The following PCDHGB1 variants were observed in gnomAD, a reference collection of about 807,000 sequenced individuals.
PCDHGB1 encodes protocadherin gamma subfamily B, 1.
Under a neutral mutation model 56.6 loss-of-function variants are expected in PCDHGB1, and 34 were observed. That is an observed-to-expected ratio of 0.60 (90% CI 0.46 to 0.80). The LOEUF is 0.80. Ranked by LOEUF, PCDHGB1 falls within the 30% of genes least tolerant of loss-of-function variation. PCDHGB1 has a pLI of 0.00. For missense variants in PCDHGB1, 1,278 were observed against 1,204.6 expected, an observed-to-expected ratio of 1.06 and a Z score of -0.90; for synonymous variants, 561 against 505.9, an observed-to-expected ratio of 1.11 and a Z score of -1.46.
intron 1 of PCDHGB1, among the ~76,000 whole-genome samples, chr5:141,401,296 C>G (rs2094138441): frequency 6.6e-6 from 1 of 152,104 alleles, no homozygotes; most frequent in African/African-American, 2.4e-5. Flanking sequence ...GAGCCGAGAT[C>G]ACTCCATTGC....
intron 1 of PCDHGB1, chr5:141,423,108 GC>G: frequency 1.2e-6 from 2 of 1,613,864 alleles, no homozygotes; most frequent in African/African-American, 2.7e-5. Flanking sequence ...CGGGCGAGGT[GC>G]GTACAGCGCG....
At position 141,413,736 on chromosome 5, in the gene PCDHGB1, G is replaced by A. The variant is rs189162146; in HGVS notation, c.2409+61067G>A. The A allele has an allele frequency of 1.9e-4, 309 of 1,613,452 alleles. No individual in the cohort carries two copies. In the African/African-American group the frequency reaches 3.0e-3, roughly 16 times the overall value. On this transcript the variant is annotated intron_variant, in intron 1 of 3. Coordinates refer to ENST00000523390, the MANE Select transcript of PCDHGB1 (RefSeq NM_018922.3). Reference sequence around the variant, plus strand: ...ATAAGCACTTCTCCCTAAGAGTTCAGAGCCGTGCCAATGGCGTCAAGTACC... The same window carrying A: ...ATAAGCACTTCTCCCTAAGAGTTCAAAGCCGTGCCAATGGCGTCAAGTACC...
intron 1 of PCDHGB1, chr5:141,419,170 C>G: frequency 6.2e-7 from 1 of 1,613,966 alleles, no homozygotes; most frequent in South Asian, 1.1e-5. Flanking sequence ...CCAGCAAAAC[C>G]ATAACCCTGC....
intron 1 of PCDHGB1, chr5:141,414,389 A>G: frequency 1.9e-6 from 3 of 1,613,926 alleles, no homozygotes; most frequent in African/African-American, 2.7e-5. Context: ...ATTGACAGTT[A>G]TTACAGATTG....
chr5:141,399,695 C>G, intron 1 of PCDHGB1: 1 of 1,613,480 alleles, frequency 6.2e-7, no homozygotes, highest in South Asian at 1.1e-5. Flanking sequence ...CAGCTGCGCA[C>G]CTTCGAACTC....
chr5:141,471,196 C>T (rs59385734), intron 1 of PCDHGB1: 16,293 of 151,632 alleles, frequency 0.11, 894 homozygotes, highest in South Asian at 0.15. Context: ...ATTACAGGCA[C>T]CCACCCCCAT....
intron 1 of PCDHGB1, among the ~76,000 whole-genome samples, chr5:141,484,645 T>C (rs948669787): frequency 1.3e-5 from 2 of 151,970 alleles, no homozygotes; most frequent in Admixed American, 6.6e-5. Context: ...CACTCTCCAA[T>C]GGCTACTCTC....
Position 141,374,612 on chromosome 5 carries a change from C to T in PCDHGB1, c.2409+21943C>T. The T allele has an allele frequency of 1.9e-6, 3 of 1,613,552 alleles. 1 individual carries two copies. The highest frequency in any genetic ancestry group is 1.1e-5 in the South Asian group (1 of 91,056). On this transcript the variant is annotated intron_variant, in intron 1 of 3. Transcript: ENST00000523390. ...GGGATTTAAGCTCAGTGGTAATAGT[C>T]ACTTCTCAGTGGACGTGCAAAGCGA...
At chr5:141,386,498 A>G (rs961063181) in intron 1 of PCDHGB1, among the ~76,000 whole-genome samples, 2 of 135,914 alleles carry the variant, frequency 1.5e-5, no homozygotes, top group African/African-American at 5.6e-5. Context: ...TAATATAACA[A>G]GACTCTGTCT....
chr5:141,500,139 CT>C (rs2099796692), intron 2 of PCDHGB1, among the ~76,000 whole-genome samples: 2 of 151,768 alleles, frequency 1.3e-5, no homozygotes, highest in East Asian at 3.9e-4. Context: ...TCTTTCTAAA[CT>C]TTTCTTTGTG....
intron 1 of PCDHGB1, among the ~76,000 whole-genome samples, chr5:141,458,065 GA>G (rs541812590): frequency 3.5e-3 from 534 of 152,242 alleles, no homozygotes; most frequent in Middle Eastern, 6.8e-3. Context: ...GCACTGATGC[GA>G]ACAACTATAT....
intron 1 of PCDHGB1, among the ~76,000 whole-genome samples, chr5:141,459,690 C>A (rs1338211972): frequency 6.6e-6 from 1 of 152,174 alleles, no homozygotes; most frequent in African/African-American, 2.4e-5. Context: ...ATAAAGCGTT[C>A]CGCTTGCTAC....
In PCDHGB1 at chr5:141,350,942, C is replaced by T. The variant is rs751150104; in HGVS notation, c.682C>T (p.Arg228Ter). The part of the protein sequence containing the change: ...PLSGTTHIWI[R>*]VTDANDNAPV... ...AAGCGGCACCACCCATATCTGGATC[C>T]GAGTTACGGATGCCAATGATAATGC... Residue 228 changes from arginine to a stop codon, truncating the protein, a stop_gained, in exon 1 of 4, where the codon CGA (arginine) becomes TGA (stop). Coordinates refer to ENST00000523390, the MANE Select transcript of PCDHGB1 (RefSeq NM_018922.3). LOFTEE classifies it high-confidence loss of function. 7 of 1,614,082 alleles carry T rather than the reference C, an allele frequency of 4.3e-6. No homozygotes were observed. The South Asian group carries it at 5.5e-5, about 13-fold the overall frequency.
At chr5:141,446,098 A>G (rs375135134) in intron 1 of PCDHGB1, among the ~76,000 whole-genome samples, 2 of 152,350 alleles carry the variant, frequency 1.3e-5, no homozygotes, top group African/African-American at 4.8e-5. Flanking sequence ...TGGATGAATT[A>G]TAGATATATT....
In PCDHGB1 at chr5:141,351,544, T is replaced by C. The variant is rs765303691; in HGVS notation, c.1284T>C (p.Leu428=). 5.3e-5 allele frequency: 86 copies of C among 1,613,842 alleles called. No homozygotes were observed. The highest frequency in any genetic ancestry group is 7.1e-5 in the Non-Finnish European group (84 of 1,179,894). The change falls in exon 1 of 4, where the codon CTT becomes CTC. Residue 428 remains leucine, a synonymous_variant. Coordinates refer to ENST00000523390, the MANE Select transcript of PCDHGB1 (RefSeq NM_018922.3). The part of the protein sequence containing the change: ...IIATDKGKPA[L]SSRTSITLHI... ...CCACCGACAAGGGCAAACCAGCCCT[T>C]TCCTCCAGGACAAGCATCACCCTGC...
chr5:141,455,660 G>A (rs1485792613), intron 1 of PCDHGB1, among the ~76,000 whole-genome samples: 1 of 152,134 alleles, frequency 6.6e-6, no homozygotes, highest in Non-Finnish European at 1.5e-5. Flanking sequence ...CCAGGAACTT[G>A]TGGGGCAAGG....
At chr5:141,458,438 CCCA>C (rs1221646653) in intron 1 of PCDHGB1, among the ~76,000 whole-genome samples, 3 of 152,024 alleles carry the variant, frequency 2.0e-5, no homozygotes, top group African/African-American at 7.2e-5. Context: ...GAGGAGGTCC[CCCA>C]CATTAACAAT....
At chr5:141,454,789 G>T (rs1368681394) in intron 1 of PCDHGB1, among the ~76,000 whole-genome samples, 1 of 129,576 alleles carries the variant, frequency 7.7e-6, no homozygotes, top group African/African-American at 3.1e-5. Flanking sequence ...AATCCTCCAT[G>T]GTTCTAATTT....
intron 1 of PCDHGB1, among the ~76,000 whole-genome samples, chr5:141,455,603 C>T (rs1433078116): frequency 3.3e-5 from 5 of 152,190 alleles, no homozygotes; most frequent in Admixed American, 2.6e-4. Context: ...CGTAGGGCGC[C>T]ATGGATGTTC....
Sources: gnomAD v4.1 joint callset for allele counts (sites outside exome capture counted in the v4.1 genomes callset) on GRCh38, gnomAD v4.1.1 for gene constraint, MANE v1.5 for transcripts, NCBI Gene and HGNC (gene_info 2026-07-23, HGNC 2026-07-21) for gene names.